Variants in FRMPD4 observed in about 807,000 individuals in gnomAD.
The protein encoded by FRMPD4 is FERM and PDZ domain-containing protein 4.
In FRMPD4, 22 loss-of-function variants were observed where a neutral mutation model predicts 94.1. The ratio of observed to expected loss-of-function variants is 0.23; its 90% confidence interval spans 0.17 to 0.33. FRMPD4 has a LOEUF of 0.33. FRMPD4 is among the 10% of genes least tolerant of loss of function. The pLI is 1.00. For synonymous variants in FRMPD4, 631 were observed against 548.6 expected, an observed-to-expected ratio of 1.15 and a Z score of -2.10; for missense variants, 1,111 against 1,339.9, an observed-to-expected ratio of 0.83 and a Z score of 2.67.
intron 3 of FRMPD4, among the ~76,000 whole-genome samples, chrX:12,025,324 T>A (rs754533909): frequency 9.1e-6 from 1 of 109,796 alleles, no homozygotes; most frequent in Admixed American, 9.8e-5. Flanking sequence ...GACTCATGAA[T>A]CATGACAATT....
At chrX:12,399,738 AAGAAG>A (rs761553315) in intron 1 of FRMPD4, among the ~76,000 whole-genome samples, 3 of 111,695 alleles carry the variant, frequency 2.7e-5, no homozygotes, top group Non-Finnish European at 5.7e-5. Context: ...GAGGAGGAGG[AAGAAG>A]AGAAGGGGTT....
In FRMPD4 at chrX:12,045,666, A is replaced by G. The variant is rs72612864; in HGVS notation, c.95+167648A>G. Among the ~76,000 whole-genome samples the G allele has an allele frequency of 8.1e-5, 9 of 111,429 alleles. No individual in the cohort carries two copies. The East Asian group carries it at 2.5e-3, about 31-fold the overall frequency. On this transcript the variant is annotated intron_variant, in intron 3 of 18. Coordinates refer to the FRMPD4 transcript ENST00000640291. The stretch of plus-strand genomic sequence containing the variant: ...TATGGGGATTATTTTTCCCAAGTCT[A>G]TCCTTTTGCTGAAGTGTGTATAGTT...
intron 1 of FRMPD4, among the ~76,000 whole-genome samples, chrX:12,302,554 G>T (rs1449415505): frequency 9.0e-6 from 1 of 111,017 alleles, no homozygotes; most frequent in African/African-American, 3.3e-5. Flanking sequence ...AGCTCACTTG[G>T]ATGGGGTCAT....
Position 12,193,752 on chromosome X carries a change from C to CAGAAAGAAAGAAAGAA in FRMPD4, c.41+54747_41+54762dup, listed in dbSNP as rs775933381. Among the ~76,000 whole-genome samples the CAGAAAGAAAGAAAGAA allele has an allele frequency of 1.1e-3, 18 of 16,491 alleles. 5 individuals carry two copies. The highest frequency in any genetic ancestry group is 5.0e-3 in the African/African-American group (15 of 3,015). 14.3% of individuals were successfully genotyped at this position (16,491 alleles called of 115,157 possible). On this transcript the variant is annotated intron_variant, in intron 1 of 16. Transcript: ENST00000675598. ...AGGTCTGTGAATTATCCGAAAGAAA[C>CAGAAAGAAAGAAAGAA]AGAAAGAAAGAAAGAAAGAAAGGAA...
intron 1 of FRMPD4, among the ~76,000 whole-genome samples, chrX:12,270,584 TAGAG>T (rs2054340544): frequency 8.9e-6 from 1 of 111,953 alleles, no homozygotes; most frequent in Admixed American, 9.5e-5. Flanking sequence ...TATATGTATA[TAGAG>T]ATAGATATAT....
chrX:11,983,739 G>A (rs187431778), intron 3 of FRMPD4, among the ~76,000 whole-genome samples: 237 of 110,843 alleles, frequency 2.1e-3, no homozygotes, highest in African/African-American at 7.6e-3. Flanking sequence ...TAAAATTCCT[G>A]GCACAAAATA....
chrX:12,509,840 T>C (rs1053088525), intron 2 of FRMPD4, among the ~76,000 whole-genome samples: 2 of 112,435 alleles, frequency 1.8e-5, no homozygotes, highest in Non-Finnish European at 1.9e-5. Context: ...TAAGTTAGTG[T>C]GGCTGTTTAT....
intron 3 of FRMPD4, among the ~76,000 whole-genome samples, chrX:12,611,744 C>A (rs1463711682): frequency 2.7e-5 from 3 of 112,154 alleles, no homozygotes; most frequent in African/African-American, 9.7e-5. Context: ...CCACTTTAGA[C>A]TTGTGCTATC....
chrX:11,876,648 G>A lies in FRMPD4; in HGVS notation c.-29-1247G>A, dbSNP rs749765764. 1.9e-3 allele frequency among the ~76,000 whole-genome samples: 157 copies of A among 83,935 alleles called. 1 individual carries two copies. Among genetic ancestry groups the A allele is most frequent in the African/African-American group, 6.7e-3 (152 of 22,652 alleles). The allele number at this position is 83,935 out of a possible 115,157, so 72.9% of individuals were successfully genotyped here. ...AGAGGTTTGGCAGAATGTCATTGGA[G>A]AGTTATTTCCCCACTTTAAATGTGT... is the stretch of plus-strand genomic sequence containing the variant. On this transcript the variant is annotated intron_variant, in intron 2 of 18. Transcript: ENST00000640291.
At chrX:12,301,181 C>T (rs1171265313) in intron 1 of FRMPD4, among the ~76,000 whole-genome samples, 1 of 109,113 alleles carries the variant, frequency 9.2e-6, no homozygotes, top group Non-Finnish European at 1.9e-5. Context: ...ACTGTCTCCT[C>T]CCTGACTCAC....
rs1354164023 is a variant in FRMPD4 at position 11,901,616 on chromosome X, TG to T, written c.95+23601del. 3.6e-5 allele frequency among the ~76,000 whole-genome samples: 4 copies of T among 112,288 alleles called. No homozygotes were observed. In the East Asian group the frequency reaches 1.1e-3, roughly 31 times the overall value. The stretch of plus-strand genomic sequence containing the variant: ...TTTCCTCTGAGTAAATGCCCAGTAG[TG>T]GGACTGCTGGATCGAATGGTAGATC... On this transcript the variant is annotated intron_variant, in intron 3 of 18. Transcript: ENST00000640291.
At chrX:11,863,672 TAA>T (rs1354600213) in intron 1 of FRMPD4, among the ~76,000 whole-genome samples, 9 of 112,355 alleles carry the variant, frequency 8.0e-5, no homozygotes, top group African/African-American at 2.9e-4. Flanking sequence ...TAATTCAATA[TAA>T]GTTAAAAATA....
chrX:12,711,319 C>G (rs908760726), intron 14 of FRMPD4, among the ~76,000 whole-genome samples: 2 of 111,560 alleles, frequency 1.8e-5, no homozygotes, highest in African/African-American at 6.5e-5. Flanking sequence ...AACAGGAAGA[C>G]GTGGTTATTG....
chrX:11,859,808 T>C (rs1160036282), intron 1 of FRMPD4, among the ~76,000 whole-genome samples: 1 of 112,106 alleles, frequency 8.9e-6, no homozygotes, highest in African/African-American at 3.2e-5. Context: ...AACACTAAGA[T>C]TGTACTTATA....
intron 3 of FRMPD4, among the ~76,000 whole-genome samples, chrX:12,002,773 A>G (rs2054530841): frequency 8.9e-6 from 1 of 111,885 alleles, no homozygotes; most frequent in Admixed American, 9.5e-5. Flanking sequence ...TATGTATCTC[A>G]TAGTATTGAG....
intron 3 of FRMPD4, among the ~76,000 whole-genome samples, chrX:11,947,029 A>G (rs1250299067): frequency 1.8e-5 from 2 of 111,365 alleles, no homozygotes; most frequent in Non-Finnish European, 3.8e-5. Context: ...ACCTAAACAT[A>G]TCCCATTGGT....
chrX:12,043,421 GAAA>G (rs1336256323), intron 3 of FRMPD4, among the ~76,000 whole-genome samples: 8 of 110,729 alleles, frequency 7.2e-5, no homozygotes, highest in Non-Finnish European at 1.5e-4. Flanking sequence ...AGAAGCTTCT[GAAA>G]AAAAACTATC....
intron 1 of FRMPD4, among the ~76,000 whole-genome samples, chrX:12,375,795 T>G (rs750500331): frequency 1.8e-5 from 2 of 112,124 alleles, no homozygotes; most frequent in South Asian, 7.5e-4. Context: ...AAGCGGATCA[T>G]TTGCTGTTCC....
chrX:12,156,697 T>C (rs906036431), intron 1 of FRMPD4, among the ~76,000 whole-genome samples: 2 of 110,390 alleles, frequency 1.8e-5, no homozygotes, highest in African/African-American at 6.8e-5. Flanking sequence ...AGTAAGTTTA[T>C]AAAGATAATA....
Sources: allele counts gnomAD v4.1 joint callset (sites outside exome capture counted in the v4.1 genomes callset), GRCh38; gene constraint gnomAD v4.1.1; transcripts MANE v1.5; gene names NCBI Gene and HGNC (gene_info 2026-07-23, HGNC 2026-07-21).